Variants in IL18BP observed in about 807,000 individuals in gnomAD.
The protein encoded by IL18BP is interleukin 18 binding protein, also known as interleukin-18-binding protein.
In IL18BP, 23 loss-of-function variants were observed where a neutral mutation model predicts 19.9. That is an observed-to-expected ratio of 1.15 (90% CI 0.83 to 1.64). IL18BP has a LOEUF of 1.64. Among genes scored for constraint, IL18BP ranks in the 40% most tolerant of loss-of-function variants. The pLI, the probability that IL18BP is intolerant of heterozygous loss-of-function variation, is 0.00. For synonymous variants in IL18BP, 107 were observed against 101.0 expected (o/e 1.06, Z -0.35); for missense variants, 239 against 240.7 (o/e 0.99, Z 0.05).
chr11:71,999,139 C>T (rs1955078598), intron 1 of IL18BP, 120 bp downstream of exon 1: 2 of 516,180 alleles, frequency 3.9e-6, no homozygotes, highest in Non-Finnish European at 7.7e-6. Context: ...GGGCTGGTGG[C>T]TGGGGGAGTG....
chr11:72,004,472 C>T (rs1955535048), downstream of IL18BP: 8 of 1,203,216 alleles, frequency 6.6e-6, no homozygotes, highest in Non-Finnish European at 9.6e-6. Flanking sequence ...CAACTCTGGG[C>T]CAGATCCTTC....
At chr11:72,000,197 T>G (rs1176662076) in intron 2 of IL18BP, among the ~76,000 whole-genome samples, 154 bp from the exon 3 acceptor site, 1 of 152,116 alleles carries the variant, frequency 6.6e-6, no homozygotes, top group Non-Finnish European at 1.5e-5. Context: ...TGTACTCTGT[T>G]CAATAAAGGG....
Position 72,000,508 on chromosome 11 carries a change from G to A in IL18BP, c.186G>A (p.Lys62=), listed in dbSNP as rs1955154215. ...AGCCCCCAGTGTTCCCAGCAGCTAA[G>A]CAGTGTCCAGCATTGGAAGTGACCT... ...PSQPPVFPAA[K]QCPALEVTWP... The change falls in exon 3 of 6, where the codon AAG becomes AAA. Residue 62 remains lysine, a synonymous_variant. Transcript: ENST00000393703. The A allele has an allele frequency of 6.2e-7, 1 of 1,613,614 alleles. No individual in the cohort carries two copies. The highest frequency in any genetic ancestry group is 1.7e-5 in the Admixed American group (1 of 60,008).
At chr11:72,000,637 T>G in intron 3 of IL18BP, 80 bp downstream of exon 3, 1 of 1,204,344 alleles carries the variant, frequency 8.3e-7, no homozygotes, top group Non-Finnish European at 1.2e-6. Flanking sequence ...GCCAGTCCCC[T>G]TCTGCCCATG....
At chr11:72,003,729 C>T (rs1850754952), downstream of IL18BP, 1 of 996,394 alleles carries the variant, frequency 1.0e-6, no homozygotes, top group African/African-American at 1.6e-5. Context: ...CATCTGTCTT[C>T]TCTCCTTGGA....
At chr11:72,003,306 G>A (rs1005962735), downstream of IL18BP, 21 of 585,256 alleles carry the variant, frequency 3.6e-5, no homozygotes, top group South Asian at 2.4e-4. Flanking sequence ...TAGGGAGAGC[G>A]CCCACACTGT....
At chr11:72,006,165 A>G, downstream of IL18BP, 2 of 1,614,122 alleles carry the variant, frequency 1.2e-6, no homozygotes, top group Non-Finnish European at 1.7e-6. Context: ...CTAGAGACTG[A>G]GTAGAGGAGG....
At chr11:72,007,547 C>T (rs1470907815), downstream of IL18BP, 3 of 1,318,092 alleles carry the variant, frequency 2.3e-6, no homozygotes, top group Non-Finnish European at 3.1e-6. Flanking sequence ...TGAGGTCAAG[C>T]AGCCCATCTC....
chr11:72,003,879 G>C, downstream of IL18BP: 1 of 1,613,136 alleles, frequency 6.2e-7, no homozygotes. Context: ...TCCTGCCAGT[G>C]CCTCTACCTT....
chr11:72,002,007 A>C lies in IL18BP; in HGVS notation c.*146A>C. The C allele has an allele frequency of 8.2e-7, 1 of 1,219,438 alleles. No individual in the cohort carries two copies. Among genetic ancestry groups the C allele is most frequent in the Non-Finnish European group, 1.1e-6 (1 of 878,190 alleles). The allele number at this position is 1,219,438 out of a possible 1,614,324, so 75.5% of individuals were successfully genotyped here. ...TTCTCTGCTTTGGGTCCCTTCTCTC[A>C]CCAAATTCAAACTCCATTCCCACCT... On this transcript the variant is annotated 3_prime_UTR_variant, in exon 6 of 6. Coordinates refer to ENST00000393703, the MANE Select transcript of IL18BP (RefSeq NM_001039660.2).
At chr11:72,001,755 CTGA>C in intron 5 of IL18BP, 26 bp from the exon 6 acceptor site, 1 of 1,614,078 alleles carries the variant, frequency 6.2e-7, no homozygotes, top group Non-Finnish European at 8.5e-7. Flanking sequence ...TTTCCTTGGC[CTGA>C]TCCTTGTCTG....
chr11:72,003,156 G>T, downstream of IL18BP: 1 of 307,494 alleles, frequency 3.3e-6, no homozygotes, highest in Non-Finnish European at 6.1e-6. Flanking sequence ...AGGAACCAGG[G>T]CCTACTCCTC....
At position 72,002,349 on chromosome 11, in the gene IL18BP, ATCC is replaced by A. The variant is rs1350824210; in HGVS notation, c.*491_*493del. Reference sequence around the variant, plus strand: ...GAAATGCTGCCTCTTCAGTGAAGTCATCCTCTTTCAGCTCTGGCCGCATTCTGC... The same window carrying A: ...GAAATGCTGCCTCTTCAGTGAAGTCATCTTTCAGCTCTGGCCGCATTCTGC... On this transcript the variant is annotated 3_prime_UTR_variant, in exon 6 of 6. Coordinates refer to ENST00000393703, the MANE Select transcript of IL18BP (RefSeq NM_001039660.2). 5 of 167,782 alleles carry A rather than the reference ATCC, an allele frequency of 3.0e-5. No homozygotes were observed. Among genetic ancestry groups the A allele is most frequent in the Non-Finnish European group, 3.8e-5 (3 of 78,252 alleles). 10.4% of individuals were successfully genotyped at this position (167,782 alleles called of 1,614,324 possible).
downstream of IL18BP, chr11:72,005,405 G>C (rs1166343417): frequency 6.3e-7 from 1 of 1,592,618 alleles, no homozygotes; most frequent in South Asian, 1.1e-5. Flanking sequence ...AAATGAGCCT[G>C]GAGTCGGCAG....
At chr11:72,003,960 G>A (rs145842252), downstream of IL18BP, 92 of 1,613,298 alleles carry the variant, frequency 5.7e-5, no homozygotes, top group African/African-American at 2.9e-4. Flanking sequence ...GGCAATGCGC[G>A]GAGAACGGCG....
intron 2 of IL18BP, 50 bp from the exon 3 acceptor site, chr11:72,000,301 C>A: frequency 6.6e-7 from 1 of 1,511,602 alleles, no homozygotes. Context: ...CTTACCCGGG[C>A]AGCCCACTCT....
chr11:72,000,318 A>G (rs368043489), intron 2 of IL18BP, 33 bp from the exon 3 acceptor site: 32 of 1,584,128 alleles, frequency 2.0e-5, no homozygotes, highest in Middle Eastern at 1.7e-4. Flanking sequence ...CTCTGTCTCC[A>G]GAGCCGCTGA....
chr11:72,003,729 C>A, downstream of IL18BP: 4 of 996,394 alleles, frequency 4.0e-6, no homozygotes, highest in South Asian at 4.3e-5. Context: ...CATCTGTCTT[C>A]TCTCCTTGGA....
rs781039402 is a variant in IL18BP at position 72,001,492 on chromosome 11, C to G, written c.447C>G (p.Ser149=). Residue 149 remains serine, a synonymous_variant, in exon 5 of 6, where the codon TCC becomes TCG. Coordinates refer to ENST00000393703, the MANE Select transcript of IL18BP (RefSeq NM_001039660.2). ...CTGCCCTGCACAGCACCAACTTCTCCTGTGTGCTCGTGGACCCTGAACAGG... is the reference window on the plus strand; with the variant it reads ...CTGCCCTGCACAGCACCAACTTCTCGTGTGTGCTCGTGGACCCTGAACAGG... ...LTPALHSTNF[S]CVLVDPEQVV... is the part of the protein sequence containing the mutation. 22 of 1,614,072 alleles carry G rather than the reference C, an allele frequency of 1.4e-5. No homozygotes were observed. The highest frequency in any genetic ancestry group is 1.9e-5 in the Non-Finnish European group (22 of 1,179,964).
Sources: gnomAD v4.1 joint callset for allele counts (sites outside exome capture counted in the v4.1 genomes callset) on GRCh38, gnomAD v4.1.1 for gene constraint, MANE v1.5 for transcripts, NCBI Gene and HGNC (gene_info 2026-07-23, HGNC 2026-07-21) for gene names.